The following CFAP61 variants were observed in gnomAD, a reference collection of about 807,000 sequenced individuals.
The protein encoded by CFAP61 is cilia and flagella associated protein 61.
CFAP61 carries 107 observed loss-of-function variants against 135.6 expected under a neutral mutation model. That is an observed-to-expected ratio of 0.79 (90% CI 0.67 to 0.93). The LOEUF (loss-of-function observed/expected upper bound fraction) is 0.93. CFAP61 is among the 40% of genes least tolerant of loss of function. CFAP61 has a pLI of 0.00. For missense variants in CFAP61, 1,507 were observed against 1,556.2 expected, an observed-to-expected ratio of 0.97 and a Z score of 0.53; for synonymous variants, 575 against 578.5, an observed-to-expected ratio of 0.99 and a Z score of 0.09.
intron 10 of CFAP61, among the ~76,000 whole-genome samples, chr20:20,160,183 T>C (rs540056470): frequency 2.6e-5 from 4 of 152,324 alleles, no homozygotes; most frequent in African/African-American, 9.6e-5. Context: ...TTTCATTCCC[T>C]GATGATGAGC....
At chr20:20,158,120 T>C (rs1452836773) in intron 9 of CFAP61, among the ~76,000 whole-genome samples, 5 of 150,204 alleles carry the variant, frequency 3.3e-5, no homozygotes, top group African/African-American at 4.9e-5. Flanking sequence ...AGGGATAGCA[T>C]TGGGAGATAT....
intron 16 of CFAP61, 67 bp downstream of exon 16, chr20:20,196,843 C>A: frequency 1.5e-6 from 2 of 1,319,524 alleles, no homozygotes; most frequent in African/African-American, 1.4e-5. Flanking sequence ...TGTTGTACGC[C>A]GCATTCTATT....
intron 26 of CFAP61, among the ~76,000 whole-genome samples, chr20:20,346,894 T>C (rs973183741): frequency 2.0e-5 from 3 of 152,170 alleles, no homozygotes; most frequent in African/African-American, 7.2e-5. Flanking sequence ...TCAATAGCAC[T>C]ATAAGCCAAG....
chr20:20,322,557 C>A, intron 25 of CFAP61: 1 of 375,222 alleles, frequency 2.7e-6, no homozygotes, highest in Non-Finnish European at 3.7e-6. Context: ...TTCTTGTTCT[C>A]CCACATAGTA....
intron 21 of CFAP61, chr20:20,267,453 C>CGGGAGA (rs2052860891): frequency 6.6e-6 from 1 of 152,616 alleles, no homozygotes; most frequent in Admixed American, 6.5e-5. Context: ...CTGTAGTACC[C>CGGGAGA]ATGCCAGCAG....
chr20:20,173,050 AT>A (rs1354599352), intron 13 of CFAP61, among the ~76,000 whole-genome samples: 1 of 150,356 alleles, frequency 6.7e-6, no homozygotes, highest in Non-Finnish European at 1.5e-5. Flanking sequence ...GCCTTTTCAA[AT>A]TTGCTTTTTT....
chr20:20,268,046 C>T (rs1167215055), intron 21 of CFAP61, among the ~76,000 whole-genome samples: 1 of 152,218 alleles, frequency 6.6e-6, no homozygotes, highest in East Asian at 1.9e-4. Context: ...TGGAGCCATC[C>T]GTGACCGTCC....
chr20:20,214,942 G>C (rs1225897174), intron 17 of CFAP61: 1 of 152,250 alleles, frequency 6.6e-6, no homozygotes, highest in African/African-American at 2.4e-5. Flanking sequence ...TAAAACTACA[G>C]GGGCTTTCTA....
chr20:20,128,004 C>T (rs751008138), intron 8 of CFAP61, among the ~76,000 whole-genome samples: 8 of 151,666 alleles, frequency 5.3e-5, no homozygotes, highest in Non-Finnish European at 1.0e-4. Context: ...CACCCAGCTC[C>T]CATGCAAACC....
At chr20:20,145,281 C>T (rs529445763) in intron 9 of CFAP61, among the ~76,000 whole-genome samples, 1 of 152,228 alleles carries the variant, frequency 6.6e-6, no homozygotes, top group East Asian at 1.9e-4. Context: ...GAAAAGTATA[C>T]TATTTTAAGG....
chr20:20,294,755 C>T (rs566804560), intron 24 of CFAP61, among the ~76,000 whole-genome samples: 4 of 151,620 alleles, frequency 2.6e-5, no homozygotes, highest in Admixed American at 6.6e-5. Flanking sequence ...GGTGAAACCC[C>T]GTCTCTACTA....
intron 26 of CFAP61, among the ~76,000 whole-genome samples, chr20:20,342,685 C>G (rs1355738878): frequency 1.3e-5 from 2 of 152,108 alleles, no homozygotes; most frequent in Admixed American, 6.5e-5. Flanking sequence ...CCTGGGAGCC[C>G]CCACGCGCCT....
At chr20:20,283,106 T>TTTATCTCA (rs2054323625) in intron 22 of CFAP61, among the ~76,000 whole-genome samples, 3 of 152,226 alleles carry the variant, frequency 2.0e-5, no homozygotes, top group Admixed American at 2.0e-4. Context: ...TACTGATATT[T>TTTATCTCA]TTATCTCATT....
Position 20,263,843 on chromosome 20 carries a change from T to C in CFAP61, c.2503+713T>C, listed in dbSNP as rs1292938357. 2.6e-5 allele frequency among the ~76,000 whole-genome samples: 4 copies of C among 152,278 alleles called. No individual in the cohort carries two copies. In the East Asian group the frequency reaches 5.8e-4, roughly 22 times the overall value. ...TTTCTTTTGCCTAAAAGTGAGAAGA[T>C]GGTTAGTGACCTGGTTGAGTTCCAC... On this transcript the variant is annotated intron_variant, in intron 21 of 26. Coordinates refer to ENST00000245957, the MANE Select transcript of CFAP61 (RefSeq NM_015585.4).
At chr20:20,304,272 C>CTGTGTGTGTGTGTGTGTGTG (rs532157100) in intron 25 of CFAP61, among the ~76,000 whole-genome samples, 150 of 103,076 alleles carry the variant, frequency 1.5e-3, no homozygotes, top group Non-Finnish European at 2.4e-3. Context: ...CCATCGGTGA[C>CTGTGTGTGTGTGTGTGTGTG]TGTGTGTGTG....
chr20:20,071,500 G>A (rs1009565250), intron 3 of CFAP61, among the ~76,000 whole-genome samples: 3 of 152,198 alleles, frequency 2.0e-5, no homozygotes, highest in African/African-American at 7.2e-5. Flanking sequence ...CAGAAGCTAG[G>A]TTAGTGGTTC....
At chr20:20,345,882 A>ATTT (rs2058609951) in intron 26 of CFAP61, among the ~76,000 whole-genome samples, 2 of 56,704 alleles carry the variant, frequency 3.5e-5, no homozygotes, top group Admixed American at 2.1e-4. Context: ...AGATTGTGCC[A>ATTT]CTTTTTTTTT....
At chr20:20,206,526 C>G (rs925831219) in intron 17 of CFAP61, among the ~76,000 whole-genome samples, 3 of 152,184 alleles carry the variant, frequency 2.0e-5, no homozygotes, top group Admixed American at 2.0e-4. Context: ...GCAACATATA[C>G]TATGCGGTAT....
At chr20:20,178,757 C>T (rs1303194675) in intron 13 of CFAP61, among the ~76,000 whole-genome samples, 6 of 152,072 alleles carry the variant, frequency 3.9e-5, no homozygotes, top group South Asian at 2.1e-4. Flanking sequence ...ATTTCAGGCC[C>T]GTGTTATTGT....
Sources: gnomAD v4.1 joint callset for allele counts (sites outside exome capture counted in the v4.1 genomes callset) on GRCh38, gnomAD v4.1.1 for gene constraint, MANE v1.5 for transcripts, NCBI Gene and HGNC (gene_info 2026-07-23, HGNC 2026-07-21) for gene names.